Variants in WRN observed in about 807,000 individuals in gnomAD.
WRN encodes WRN RecQ like helicase.
A neutral mutation model predicts 180.7 loss-of-function variants in WRN; 149 were observed. The ratio of observed to expected loss-of-function variants is 0.82; its 90% CI spans 0.72 to 0.94. The LOEUF is 0.94. Among genes scored for constraint, WRN ranks in the 40% least tolerant of loss-of-function variants. The pLI is 0.00. For synonymous variants in WRN, 548 were observed against 568.9 expected, an observed-to-expected ratio of 0.96 and a Z score of 0.52; for missense variants, 1,661 against 1,700.1, an observed-to-expected ratio of 0.98 and a Z score of 0.40.
At chr8:31,071,012 C>T (rs1201314496) in intron 7 of WRN, among the ~76,000 whole-genome samples, 2 of 146,860 alleles carry the variant, frequency 1.4e-5, no homozygotes, top group African/African-American at 5.0e-5. Context: ...CACCATTGCA[C>T]TCCAGCCTGC....
Position 31,095,951 on chromosome 8 carries a change from C to T in WRN, c.1899-817C>T, listed in dbSNP as rs76839867. ...ATGAGTTTACCTTGAATCTAGATAT[C>T]GAAACAATTAGCTGTCTTGATAGTT... On this transcript the variant is annotated intron_variant, in intron 16 of 34. Transcript: ENST00000298139. Among the ~76,000 whole-genome samples the T allele has an allele frequency of 8.9e-3, 1,353 of 152,268 alleles. 23 individuals are homozygous for T. The highest frequency in any genetic ancestry group is 0.031 in the African/African-American group (1,298 of 41,558).
chr8:31,036,825 T>C (rs892337413), intron 1 of WRN, among the ~76,000 whole-genome samples: 9 of 152,222 alleles, frequency 5.9e-5, no homozygotes, highest in Non-Finnish European at 1.2e-4. Context: ...CTTCAGTCTG[T>C]TGAATTTGCT....
intron 34 of WRN, among the ~76,000 whole-genome samples, chr8:31,169,924 C>A: frequency 6.6e-6 from 1 of 152,118 alleles, no homozygotes; most frequent in East Asian, 1.9e-4. Flanking sequence ...ATTCCTTGTA[C>A]TCACTTGCTA....
intron 20 of WRN, among the ~76,000 whole-genome samples, chr8:31,118,060 A>G (rs2130312054): frequency 6.6e-6 from 1 of 152,250 alleles, no homozygotes; most frequent in Non-Finnish European, 1.5e-5. Flanking sequence ...TTAGAGTAAA[A>G]CATCTCCCAG....
chr8:31,143,681 A>C, intron 28 of WRN, 58 bp downstream of exon 28: 1 of 1,264,504 alleles, frequency 7.9e-7, no homozygotes. Context: ...TTTTTTTCTA[A>C]AGAGAAAGAA....
chr8:31,079,530 C>T (rs1299097648), intron 8 of WRN, among the ~76,000 whole-genome samples: 2 of 152,182 alleles, frequency 1.3e-5, no homozygotes, highest in African/African-American at 4.8e-5. Context: ...TCATTTTACA[C>T]TCTAGCAGTG....
At chr8:31,098,393 G>A (rs1814079090) in intron 17 of WRN, among the ~76,000 whole-genome samples, 1 of 152,036 alleles carries the variant, frequency 6.6e-6, no homozygotes, top group South Asian at 2.1e-4. Context: ...AAGTATTTAA[G>A]CAAATACTTA....
intron 23 of WRN, among the ~76,000 whole-genome samples, chr8:31,130,918 G>A (rs1802138884): frequency 6.6e-6 from 1 of 152,044 alleles, no homozygotes; most frequent in Non-Finnish European, 1.5e-5. Flanking sequence ...TGAATGAGCA[G>A]GCCACTAGGG....
chr8:31,099,569 G>GT (rs555227491), intron 17 of WRN, among the ~76,000 whole-genome samples: 5,530 of 137,136 alleles, frequency 0.04, 318 homozygotes, highest in African/African-American at 0.12. Context: ...TTGTTTGTTT[G>GT]TTTTTTTTTT....
intron 24 of WRN, among the ~76,000 whole-genome samples, chr8:31,135,799 T>C (rs1165032163): frequency 2.4e-5 from 1 of 42,454 alleles, no homozygotes; most frequent in African/African-American, 7.1e-5. Context: ...AAGTCTTTTC[T>C]TCTCTCTTCT....
chr8:31,090,148 C>T (rs1813690243), intron 13 of WRN, among the ~76,000 whole-genome samples: 1 of 150,864 alleles, frequency 6.6e-6, no homozygotes, highest in Non-Finnish European at 1.5e-5. Flanking sequence ...TTCAGTCAGT[C>T]CTTGTCCCTG....
chr8:31,086,581 T>C (rs1813539516), intron 11 of WRN, among the ~76,000 whole-genome samples: 1 of 151,002 alleles, frequency 6.6e-6, no homozygotes. Context: ...CTGTCTCAAT[T>C]AAAAAATTAA....
intron 3 of WRN, among the ~76,000 whole-genome samples, chr8:31,059,897 A>G (rs1433952688): frequency 6.6e-6 from 1 of 152,154 alleles, no homozygotes; most frequent in East Asian, 1.9e-4. Context: ...TCTACTAAAA[A>G]TACAAAAAAT....
rs772247375 is a variant in WRN at position 31,120,433 on chromosome 8, A to T, written c.2630+9A>T. 1.4e-5 allele frequency: 22 copies of T among 1,610,278 alleles called. No individual in the cohort carries two copies. The highest frequency in any genetic ancestry group is 1.8e-5 in the Non-Finnish European group (21 of 1,177,856). ...GACATTAACTTAAATAGGTAAAAAA[A>T]ATTTATTGTTTTTACTCTTGCAGAT... On this transcript the variant is annotated intron_variant, in intron 21 of 34. Transcript: ENST00000298139.
chr8:31,098,331 G>A (rs1814077235), intron 17 of WRN, among the ~76,000 whole-genome samples: 1 of 152,076 alleles, frequency 6.6e-6, no homozygotes. Flanking sequence ...GTTTGGGTAC[G>A]TTTTTACTAT....
At chr8:31,091,600 A>T (rs1353370995) in intron 15 of WRN, among the ~76,000 whole-genome samples, 1 of 152,050 alleles carries the variant, frequency 6.6e-6, no homozygotes, top group Non-Finnish European at 1.5e-5. Flanking sequence ...ACCCCCTGTC[A>T]TCCCCTGCTG....
chr8:31,146,167 A>G (rs1271764622), intron 28 of WRN, among the ~76,000 whole-genome samples: 2 of 151,714 alleles, frequency 1.3e-5, no homozygotes, highest in East Asian at 3.9e-4. Flanking sequence ...CGCTTAGAGT[A>G]CTATTTTTTT....
In WRN at chr8:31,132,483, C is replaced by T. The variant is rs756832663; in HGVS notation, c.2944C>T (p.Pro982Ser). The change falls in exon 24 of 35, where the codon CCA becomes TCA. Residue 982 changes from proline to serine, a missense_variant. Physicochemically the swap from Pro to Ser is moderately conservative, Grantham distance 74 (BLOSUM62 -1). Around this residue, in one of 3 missense-constraint regions of WRN, gnomAD observed 1,141 missense variants for 1,149.4 expected, o/e 0.99. Transcript: ENST00000298139. ...ILGEKFGIGL[P>S]ILFLRGSNSQ... Reference sequence around the variant, plus strand: ...AGGCGAAAAATTTGGAATTGGGCTTCCAATTTTATTTCTCCGAGGATCTGT... The same window carrying T: ...AGGCGAAAAATTTGGAATTGGGCTTTCAATTTTATTTCTCCGAGGATCTGT... 5.0e-6 allele frequency: 8 copies of T among 1,614,108 alleles called. No homozygotes were observed. The highest frequency in any genetic ancestry group is 1.7e-4 in the Middle Eastern group (1 of 6,060).
In WRN at chr8:31,141,706, A is replaced by C; in HGVS notation, c.3164A>C (p.Asn1055Thr). Residue 1055 changes from asparagine (N) to threonine (T), a missense_variant, in exon 26 of 35, where the codon AAT becomes ACT. By Grantham distance (65) the Asn-to-Thr change is moderately conservative. Around this residue, in one of 3 missense-constraint regions of WRN, gnomAD observed 1,141 missense variants for 1,149.4 expected, o/e 0.99. Transcript: ENST00000298139. ...KKGRNWLHKANTESQSLILQA... is the reference protein window; with the variant it reads ...KKGRNWLHKATTESQSLILQA... ...GGTAGAAATTGGCTTCATAAAGCTA[A>C]TACAGAATCTCAGAGCCTCATCCTT... 1 of 1,614,198 alleles carries C rather than the reference A, an allele frequency of 6.2e-7. No homozygotes were observed. Among genetic ancestry groups the C allele is most frequent in the South Asian group, 1.1e-5 (1 of 91,084 alleles).
Sources: allele counts gnomAD v4.1 joint callset (sites outside exome capture counted in the v4.1 genomes callset), GRCh38; gene constraint gnomAD v4.1.1; regional missense constraint gnomAD v4.1.1; transcripts MANE v1.5; gene names NCBI Gene and HGNC (gene_info 2026-07-23, HGNC 2026-07-21).